ADAMTS9: variants seen among roughly 807,000 people sequenced by gnomAD.
ADAMTS9 encodes A disintegrin and metalloproteinase with thrombospondin motifs 9.
A neutral mutation model predicts 257.1 loss-of-function variants in ADAMTS9; 107 were observed. The ratio of observed to expected loss-of-function variants is 0.42; its 90% CI spans 0.36 to 0.49. ADAMTS9 has a LOEUF of 0.49. Among genes scored for constraint, ADAMTS9 ranks in the 20% least tolerant of loss-of-function variants. The pLI, the probability that ADAMTS9 is intolerant of heterozygous loss-of-function variation, is 0.03. For synonymous variants in ADAMTS9, 982 were observed against 880.9 expected (o/e 1.11, Z -2.03); for missense variants, 2,353 against 2,469.1 (o/e 0.95, Z 1.00).
At chr3:64,635,964 T>C (rs1385118422) in intron 12 of ADAMTS9, among the ~76,000 whole-genome samples, 3 of 152,228 alleles carry the variant, frequency 2.0e-5, no homozygotes, top group Non-Finnish European at 2.9e-5. Flanking sequence ...TTTCCTCCAG[T>C]TGAAATTATC....
At chr3:64,662,944 C>G (rs1465964196) in intron 3 of ADAMTS9, among the ~76,000 whole-genome samples, 1 of 152,012 alleles carries the variant, frequency 6.6e-6, no homozygotes, top group Non-Finnish European at 1.5e-5. Context: ...AATAAAATTG[C>G]CTTCAGCCGA....
At chr3:64,651,491 G>C (rs1700930360) in intron 8 of ADAMTS9, among the ~76,000 whole-genome samples, 1 of 152,140 alleles carries the variant, frequency 6.6e-6, no homozygotes, top group African/African-American at 2.4e-5. Flanking sequence ...TACAGTAGTT[G>C]GAATTCCTAA....
rs1270697496 is a variant in ADAMTS9, at chr3:64,622,237, T to C, written c.2647A>G (p.Ser883Gly). 1.2e-6 allele frequency: 2 copies of C among 1,613,952 alleles called. No homozygotes were observed. The highest frequency in any genetic ancestry group is 1.7e-6 in the Non-Finnish European group (2 of 1,179,980). The change falls in exon 18 of 40, where the codon AGT becomes GGT. Residue 883 changes from serine (S) to glycine (G), a missense_variant. By Grantham distance (56) the Ser-to-Gly change is moderately conservative. Around this residue, in one of 3 missense-constraint regions of ADAMTS9, gnomAD observed 1,402 missense variants for 1,441.4 expected, o/e 0.97. Coordinates refer to ENST00000498707, the MANE Select transcript of ADAMTS9 (RefSeq NM_182920.2). Reference sequence around the variant, plus strand: ...CTGCATGCTTGCCATGGCCCATGACTGTTCCAGTAAAACTGCTGAGGTTTA... The same window carrying C: ...CTGCATGCTTGCCATGGCCCATGACCGTTCCAGTAAAACTGCTGAGGTTTA... ...EDKPQQFYWN[S>G]HGPWQACSKP...
intron 28 of ADAMTS9, among the ~76,000 whole-genome samples, chr3:64,576,909 GACA>G (rs1430095907): frequency 6.6e-6 from 1 of 152,178 alleles, no homozygotes; most frequent in Non-Finnish European, 1.5e-5. Flanking sequence ...AATAAAGGGA[GACA>G]ACGAGGGGCT....
intron 26 of ADAMTS9, among the ~76,000 whole-genome samples, chr3:64,598,564 C>A (rs2084404878): frequency 6.6e-6 from 1 of 152,150 alleles, no homozygotes; most frequent in African/African-American, 2.4e-5. Context: ...AAGCAATCCT[C>A]CTGTCTTAGC....
chr3:64,627,894 G>A (rs1700266162), intron 16 of ADAMTS9, among the ~76,000 whole-genome samples: 1 of 152,164 alleles, frequency 6.6e-6, no homozygotes, highest in African/African-American at 2.4e-5. Flanking sequence ...CTCAGTGTGG[G>A]TTGTAAAACC....
intron 3 of ADAMTS9, among the ~76,000 whole-genome samples, chr3:64,680,699 T>C (rs1386593783): frequency 6.6e-6 from 1 of 152,170 alleles, no homozygotes; most frequent in Non-Finnish European, 1.5e-5. Context: ...TCACAGAACA[T>C]GAGCAAACCT....
At chr3:64,650,799 T>C (rs79087982) in intron 9 of ADAMTS9, 8,818 of 487,228 alleles carry the variant, frequency 0.018, 176 homozygotes, top group South Asian at 0.049. Flanking sequence ...GACTCCAACC[T>C]TTTCTTTAGC....
In ADAMTS9 at chr3:64,561,768, C is replaced by A; in HGVS notation, c.4525-17G>T. 7.6e-7 allele frequency: 1 copy of A among 1,322,776 alleles called. No individual in the cohort carries two copies. The highest frequency in any genetic ancestry group is 1.0e-6 in the Non-Finnish European group (1 of 992,822). 81.9% of individuals were successfully genotyped at this position (1,322,776 alleles called of 1,614,324 possible). On this transcript the variant is annotated splice_polypyrimidine_tract_variant and intron_variant, in intron 29 of 39. Coordinates refer to ENST00000498707, the MANE Select transcript of ADAMTS9 (RefSeq NM_182920.2). ...CACAGAGCACTAAGAAGACAGAGAA[C>A]GTAAGTGGGAGCTTCGGCTCATTTA...
At chr3:64,660,400 T>C (rs1264943455) in intron 3 of ADAMTS9, among the ~76,000 whole-genome samples, 1 of 152,224 alleles carries the variant, frequency 6.6e-6, no homozygotes, top group African/African-American at 2.4e-5. Flanking sequence ...ATTATTAAAA[T>C]ACAGTGGTCC....
intron 22 of ADAMTS9, among the ~76,000 whole-genome samples, chr3:64,608,215 C>T (rs910722964): frequency 7.5e-6 from 1 of 132,544 alleles, no homozygotes; most frequent in East Asian, 2.3e-4. Context: ...CACAACCTAA[C>T]TTTACTTCCT....
intron 3 of ADAMTS9, among the ~76,000 whole-genome samples, chr3:64,675,985 T>C (rs1701615963): frequency 6.6e-6 from 1 of 152,102 alleles, no homozygotes; most frequent in Admixed American, 6.5e-5. Context: ...AATCAGGAAG[T>C]GATGGTACCT....
At chr3:64,585,506 G>T (rs964114248) in intron 28 of ADAMTS9, among the ~76,000 whole-genome samples, 8 of 152,142 alleles carry the variant, frequency 5.3e-5, no homozygotes, top group Admixed American at 4.6e-4. Flanking sequence ...TTTGGAAGAC[G>T]TTCCAATGCA....
In ADAMTS9 at chr3:64,607,856, G is replaced by A. The variant is rs78219022; in HGVS notation, c.3355-777C>T. 2.7e-4 allele frequency among the ~76,000 whole-genome samples: 41 copies of A among 152,162 alleles called. No individual in the cohort carries two copies. In the East Asian group the frequency reaches 6.9e-3, roughly 26 times the overall value. On this transcript the variant is annotated intron_variant, in intron 22 of 39. Transcript: ENST00000498707. ...ACCACACTACATATTCCTCTCAAACGTGCAGGGATCTTTTTTAAAGAGAGA... is the reference window on the plus strand; with the variant it reads ...ACCACACTACATATTCCTCTCAAACATGCAGGGATCTTTTTTAAAGAGAGA...
chr3:64,645,420 T>C (rs559135074), intron 11 of ADAMTS9, among the ~76,000 whole-genome samples: 1 of 152,156 alleles, frequency 6.6e-6, no homozygotes, highest in East Asian at 1.9e-4. Context: ...TAACATTGTG[T>C]CAGCAGCCCA....
rs368592770 is a variant in ADAMTS9, at chr3:64,658,724, G to A, written c.747C>T (p.Asn249=). The A allele has an allele frequency of 7.7e-5, 124 of 1,614,020 alleles. No individual in the cohort carries two copies. Among genetic ancestry groups the A allele is most frequent in the Middle Eastern group, 4.9e-4 (3 of 6,084 alleles). The change falls in exon 4 of 40, where the codon AAC becomes AAT. Residue 249 remains asparagine, a synonymous_variant. Coordinates refer to ENST00000498707, the MANE Select transcript of ADAMTS9 (RefSeq NM_182920.2). ...TTAATGCTGCTACGTCACCAGCCAGGTTAATCCTTTCTCCCCATTTTCTTG... is the reference window on the plus strand; with the variant it reads ...TTAATGCTGCTACGTCACCAGCCAGATTAATCCTTTCTCCCCATTTTCTTG... The part of the protein sequence containing the change: ...TRARKWGERI[N]LAGDVAALNS...
In ADAMTS9 at chr3:64,522,185, C is replaced by A. The variant is rs371880837; in HGVS notation, c.5794G>T (p.Val1932Leu). ...ACTTACCTTAGCTATAAAACTCGCA[C>A]CTCCAGGCCAGTACCAGAGGATGGA... is the stretch of plus-strand genomic sequence containing the variant. ...CTPSSGTGLE[V>L]RVL The change falls in exon 39 of 40, where the codon GTG becomes TTG. Residue 1932 changes from valine to leucine, a missense_variant. By Grantham distance (32) the Val-to-Leu change is conservative. This residue lies in a region of ADAMTS9 where 1,402 missense variants were observed against 1,441.4 expected (regional missense o/e 0.97). Coordinates refer to ENST00000498707, the MANE Select transcript of ADAMTS9 (RefSeq NM_182920.2). 15 of 1,614,010 alleles carry A rather than the reference C, an allele frequency of 9.3e-6. No homozygotes were observed. In the East Asian group the frequency reaches 3.3e-4, roughly 36 times the overall value.
intron 28 of ADAMTS9, among the ~76,000 whole-genome samples, chr3:64,582,243 G>T (rs2084024419): frequency 6.6e-6 from 1 of 152,184 alleles, no homozygotes; most frequent in Non-Finnish European, 1.5e-5. Context: ...TGCTTCCCCA[G>T]AAGTTCATGT....
At chr3:64,628,585 C>CA (rs1559799747) in intron 16 of ADAMTS9, among the ~76,000 whole-genome samples, 1 of 152,152 alleles carries the variant, frequency 6.6e-6, no homozygotes, top group African/African-American at 2.4e-5. Context: ...GATTCCCCCC[C>CA]CAAAATAATT....
Sources: allele counts gnomAD v4.1 joint callset (sites outside exome capture counted in the v4.1 genomes callset), GRCh38; gene constraint gnomAD v4.1.1; regional missense constraint gnomAD v4.1.1; transcripts MANE v1.5; gene names NCBI Gene and HGNC (gene_info 2026-07-23, HGNC 2026-07-21).